GPA33: variants seen among roughly 807,000 people sequenced by gnomAD.
GPA33 encodes glycoprotein A33.
In GPA33, 27 loss-of-function variants were observed where a neutral mutation model predicts 35.6. That is an observed-to-expected ratio of 0.76 (90% CI 0.56 to 1.04). The LOEUF (loss-of-function observed/expected upper bound fraction) is 1.04. Among genes scored for constraint, GPA33 ranks in the 50% least tolerant of loss-of-function variants. The pLI is 0.00. For missense variants in GPA33, 428 were observed against 411.9 expected (o/e 1.04, Z -0.34); for synonymous variants, 176 against 164.0 (o/e 1.07, Z -0.56).
intron 4 of GPA33, among the ~76,000 whole-genome samples, chr1:167,062,537 A>C (rs1666479795): frequency 6.6e-6 from 1 of 150,890 alleles, no homozygotes; most frequent in Admixed American, 6.6e-5. Flanking sequence ...GTCTTTCTTG[A>C]TCCTCAGGAG....
At chr1:167,063,110 C>A (rs1384281514) in intron 4 of GPA33, among the ~76,000 whole-genome samples, 1 of 152,214 alleles carries the variant, frequency 6.6e-6, no homozygotes, top group Non-Finnish European at 1.5e-5. Context: ...CTTGCCAGAA[C>A]CTATGAGGTA....
chr1:167,075,542 A>C (rs1000979634), intron 1 of GPA33, among the ~76,000 whole-genome samples: 2 of 152,184 alleles, frequency 1.3e-5, no homozygotes, highest in Non-Finnish European at 2.9e-5. Context: ...AGGAAGTTTC[A>C]GGGGGCAGAT....
intron 1 of GPA33, among the ~76,000 whole-genome samples, chr1:167,077,447 C>T (rs1666845835): frequency 6.6e-6 from 1 of 152,138 alleles, no homozygotes; most frequent in Admixed American, 6.5e-5. Context: ...GAGCGCTGTC[C>T]TCACGGTGAC....
intron 3 of GPA33, among the ~76,000 whole-genome samples, chr1:167,065,577 C>T (rs1666573723): frequency 6.6e-6 from 1 of 152,184 alleles, no homozygotes; most frequent in Non-Finnish European, 1.5e-5. Flanking sequence ...GGTGCACGGT[C>T]GCTGAGCATC....
chr1:167,053,028 A>G lies in GPA33; in HGVS notation c.*1306T>C, dbSNP rs1233592544. The G allele has an allele frequency of 1.3e-5, 2 of 152,210 alleles. No homozygotes were observed. Among genetic ancestry groups the G allele is most frequent in the African/African-American group, 4.8e-5 (2 of 41,456 alleles). The allele number at this position is 152,210 out of a possible 1,614,324, so 9.4% of individuals were successfully genotyped here. A position where few individuals can be genotyped will look rare whatever the true frequency, so the allele number is the denominator to read the frequency against. The stretch of plus-strand genomic sequence containing the variant: ...GTTGGGTGAGACCAGCCACTGGTCC[A>G]TGAGACCTAAGCAGCCCTAACGCTG... On this transcript the variant is annotated 3_prime_UTR_variant, in exon 7 of 7. Coordinates refer to ENST00000367868, the MANE Select transcript of GPA33 (RefSeq NM_005814.3).
intron 1 of GPA33, among the ~76,000 whole-genome samples, chr1:167,080,527 G>A (rs952149714): frequency 3.9e-5 from 6 of 152,192 alleles, no homozygotes; most frequent in Non-Finnish European, 7.3e-5. Flanking sequence ...ATGGCCAAGA[G>A]CACAAACATT....
At chr1:167,056,079 A>G (rs1425241628) in intron 4 of GPA33, among the ~76,000 whole-genome samples, 1 of 152,220 alleles carries the variant, frequency 6.6e-6, no homozygotes, top group Non-Finnish European at 1.5e-5. Flanking sequence ...TGGCTCTGCC[A>G]CTTATTAATT....
chr1:167,082,238 C>G (rs1166757549), intron 1 of GPA33: 1 of 448,164 alleles, frequency 2.2e-6, no homozygotes, highest in Admixed American at 2.4e-5. Flanking sequence ...GTATTAATAA[C>G]AGTTACCTGT....
Position 167,080,042 on chromosome 1 carries a change from G to A in GPA33, c.44-6503C>T, listed in dbSNP as rs1054246435. On this transcript the variant is annotated intron_variant, in intron 1 of 6. Coordinates refer to ENST00000367868, the MANE Select transcript of GPA33 (RefSeq NM_005814.3). Reference sequence around the variant, plus strand: ...GAGTCTTCCAGCTACCTCACTTTCCGCTTCCTTGTATAGGTTGGCATTGAA... The same window carrying A: ...GAGTCTTCCAGCTACCTCACTTTCCACTTCCTTGTATAGGTTGGCATTGAA... 2.0e-4 allele frequency among the ~76,000 whole-genome samples: 31 copies of A among 152,206 alleles called. 1 individual carries two copies. The highest frequency in any genetic ancestry group is 6.0e-4 in the African/African-American group (25 of 41,542).
intron 1 of GPA33, among the ~76,000 whole-genome samples, chr1:167,087,140 C>T (rs886287434): frequency 5.3e-5 from 8 of 152,114 alleles, no homozygotes; most frequent in Non-Finnish European, 8.8e-5. Flanking sequence ...CAGCGCATGG[C>T]GGCTTTTTTG....
At position 167,073,483 on chromosome 1, in the gene GPA33, A is replaced by G. The variant is rs201172929; in HGVS notation, c.100T>C (p.Ser34Pro). The part of the protein sequence containing the change: ...VETPQDVLRA[S>P]QGKSVTLPCT... ...GGCAGGGTGACACTCTTTCCCTGCG[A>G]AGCCCGAAGAACGTCCTGCGGAGTT... is the stretch of plus-strand genomic sequence containing the variant. The change falls in exon 2 of 7, where the codon TCG becomes CCG. Residue 34 changes from serine to proline, a missense_variant. Coordinates refer to ENST00000367868, the MANE Select transcript of GPA33 (RefSeq NM_005814.3). The G allele has an allele frequency of 6.2e-4, 1,006 of 1,613,422 alleles. 17 individuals carry two copies. In the South Asian group the frequency reaches 0.01, roughly 17 times the overall value.
At chr1:167,069,983 G>A (rs113894624) in intron 2 of GPA33, among the ~76,000 whole-genome samples, 8 of 152,282 alleles carry the variant, frequency 5.3e-5, no homozygotes, top group African/African-American at 1.7e-4. Flanking sequence ...ACCAAACCTT[G>A]CAACATCTTG....
intron 1 of GPA33, among the ~76,000 whole-genome samples, chr1:167,081,815 C>G (rs1666955324): frequency 6.6e-6 from 1 of 152,234 alleles, no homozygotes; most frequent in Admixed American, 6.5e-5. Flanking sequence ...GTCTGAGTCT[C>G]AGGCTTCTCT....
intron 1 of GPA33, 66 bp downstream of exon 1, chr1:167,090,179 C>T (rs1667126180): frequency 8.0e-7 from 1 of 1,252,018 alleles, no homozygotes; most frequent in Non-Finnish European, 1.2e-6. Context: ...CAGAGCCTCT[C>T]CTTCAGCCCT....
At chr1:167,069,270 A>G (rs1450399206) in intron 2 of GPA33, 132 bp from the exon 3 acceptor site, 1 of 602,528 alleles carries the variant, frequency 1.7e-6, no homozygotes, top group Non-Finnish European at 3.0e-6. Context: ...CTCAGAACAA[A>G]TAGCTCGCAT....
chr1:167,087,695 T>C (rs1667082506), intron 1 of GPA33, among the ~76,000 whole-genome samples: 1 of 152,126 alleles, frequency 6.6e-6, no homozygotes, highest in Non-Finnish European at 1.5e-5. Flanking sequence ...GGCGGGCTTA[T>C]TGCGAGGTCA....
intron 1 of GPA33, among the ~76,000 whole-genome samples, chr1:167,086,913 T>C (rs1030180650): frequency 1.3e-5 from 2 of 151,702 alleles, no homozygotes; most frequent in African/African-American, 2.4e-5. Flanking sequence ...GTGTGAGAGA[T>C]TGGGTCTTCA....
intron 1 of GPA33, 70 bp from the exon 2 acceptor site, chr1:167,073,609 A>G (rs1317865721): frequency 6.2e-6 from 8 of 1,297,500 alleles, no homozygotes; most frequent in Non-Finnish European, 7.6e-6. Context: ...CACTGCCCAC[A>G]GGACCACTGA....
intron 1 of GPA33, among the ~76,000 whole-genome samples, chr1:167,080,630 C>T (rs1214732541): frequency 1.3e-5 from 2 of 152,184 alleles, no homozygotes; most frequent in Non-Finnish European, 2.9e-5. Context: ...GCTTCAGTTT[C>T]TTCAACTGTG....
Sources: gnomAD v4.1 joint callset for allele counts (sites outside exome capture counted in the v4.1 genomes callset) on GRCh38, gnomAD v4.1.1 for gene constraint, MANE v1.5 for transcripts, NCBI Gene and HGNC (gene_info 2026-07-23, HGNC 2026-07-21) for gene names.